GRIP2: variants seen among roughly 807,000 people sequenced by gnomAD.
The protein encoded by GRIP2 is glutamate receptor-interacting protein 2.
Under a neutral mutation model 108.3 loss-of-function variants are expected in GRIP2, and 58 were observed. That is an observed-to-expected ratio of 0.54 (90% CI 0.43 to 0.67). GRIP2 has a LOEUF of 0.67. GRIP2 is among the 30% of genes least tolerant of loss of function. GRIP2 has a pLI of 0.00. For synonymous variants in GRIP2, 586 were observed against 598.2 expected (o/e 0.98, Z 0.30); for missense variants, 1,278 against 1,430.6 (o/e 0.89, Z 1.72).
intron 7 of GRIP2, 158 bp from the exon 8 acceptor site, chr3:14,520,695 T>A (rs1694384663): frequency 2.7e-6 from 2 of 738,866 alleles, no homozygotes; most frequent in East Asian, 2.7e-5. Context: ...TTTTTTTATC[T>A]TCTACCAAAT....
chr3:14,597,701 C>A, the GRIP2 span, among the ~76,000 whole-genome samples: 3 of 151,420 alleles, frequency 2.0e-5, no homozygotes, highest in Non-Finnish European at 2.9e-5. Context: ...TGTCCTTTTA[C>A]CCACAAAGCA....
the GRIP2 span, among the ~76,000 whole-genome samples, chr3:14,577,058 A>G: frequency 6.6e-6 from 1 of 152,226 alleles, no homozygotes; most frequent in Non-Finnish European, 1.5e-5. Flanking sequence ...ACCACTGTGG[A>G]GTTCCTTTTT....
At chr3:14,510,851 C>T (rs901783555) in intron 16 of GRIP2, among the ~76,000 whole-genome samples, 4 of 152,196 alleles carry the variant, frequency 2.6e-5, no homozygotes, top group Non-Finnish European at 4.4e-5. Context: ...CCCTGCCCTA[C>T]CCACTCATCT....
chr3:14,558,570 G>T (rs936018818), upstream of GRIP2, among the ~76,000 whole-genome samples: 2 of 152,166 alleles, frequency 1.3e-5, no homozygotes, highest in African/African-American at 2.4e-5. Flanking sequence ...AGGCTCCCAG[G>T]GTGCGGGAGA....
intron 3 of GRIP2, among the ~76,000 whole-genome samples, chr3:14,525,090 T>C (rs1362393104): frequency 6.6e-6 from 1 of 152,146 alleles, no homozygotes; most frequent in Non-Finnish European, 1.5e-5. Flanking sequence ...CAGTGACCTC[T>C]GTGTTGAGTG....
chr3:14,593,678 T>C, the GRIP2 span, among the ~76,000 whole-genome samples: 1 of 152,154 alleles, frequency 6.6e-6, no homozygotes, highest in African/African-American at 2.4e-5. Flanking sequence ...TCCCTCATAC[T>C]CCGGAGGCTA....
At chr3:14,546,321 G>A (rs1324855852), upstream of GRIP2, among the ~76,000 whole-genome samples, 1 of 152,196 alleles carries the variant, frequency 6.6e-6, no homozygotes, top group Non-Finnish European at 1.5e-5. Context: ...ATTCTGTTGA[G>A]TGTGAGGGGA....
chr3:14,567,239 CCTT>C, the GRIP2 span, among the ~76,000 whole-genome samples: 1 of 152,044 alleles, frequency 6.6e-6, no homozygotes, highest in Non-Finnish European at 1.5e-5. Context: ...TTCCAAACAC[CCTT>C]CCAATCTGTT....
rs1365789998 is a variant in GRIP2, at chr3:14,517,893, T to C, written c.1035A>G (p.Lys345=). 2 of 1,563,292 alleles carry C rather than the reference T, an allele frequency of 1.3e-6. No individual in the cohort carries two copies. The highest frequency in any genetic ancestry group is 2.7e-5 in the African/African-American group (2 of 73,108). The change falls in exon 10 of 24, where the codon AAA becomes AAG. Residue 345 remains lysine (K), a synonymous_variant. Transcript: ENST00000621039. Reference sequence around the variant, plus strand: ...GGTGCAGCTGCTCACTCCTCTGCACTTTCACTGTAGCCAGCGGAGAAAGAG... The same window carrying C: ...GGTGCAGCTGCTCACTCCTCTGCACCTTCACTGTAGCCAGCGGAGAAAGAG... ...QRPLRPSEAV[K]VQRSEQLHRW...
chr3:14,523,017 G>C lies in GRIP2; in HGVS notation c.549C>G (p.Pro183=), dbSNP rs770772184. 3 of 1,613,706 alleles carry C rather than the reference G, an allele frequency of 1.9e-6. No homozygotes were observed. Among genetic ancestry groups the C allele is most frequent in the East Asian group, 2.2e-5 (1 of 44,872 alleles). ...CGGCTCACCTGTCGGCAGGGCCACC[G>C]GGCCGCACGTAGGTCAGGACAAGCG... The part of the protein sequence containing the change: ...SRPLVLTYVR[P]GGPADREGSL... Residue 183 remains proline (P), a synonymous_variant, in exon 6 of 24, where the codon CCC becomes CCG. Coordinates refer to ENST00000621039, the MANE Select transcript of GRIP2 (RefSeq NM_001080423.4).
At chr3:14,579,665 G>A in the GRIP2 span, among the ~76,000 whole-genome samples, 2 of 98,020 alleles carry the variant, frequency 2.0e-5, no homozygotes, top group Admixed American at 9.9e-5. Flanking sequence ...CCAGGCTGGC[G>A]TTCAGTCTCC....
intron 13 of GRIP2, 56 bp downstream of exon 13, chr3:14,513,609 A>G: frequency 1.3e-6 from 2 of 1,552,996 alleles, no homozygotes; most frequent in South Asian, 2.4e-5. Context: ...CAGGATAAAG[A>G]GAGGAGGGGT....
chr3:14,507,843 A>C lies in GRIP2; in HGVS notation c.2079-143T>G. ...AACCCAGCTGCCAAAAACAAAACAA[A>C]AGCACGCAAGTATGATCTTGGATCA... On this transcript the variant is annotated intron_variant, in intron 17 of 23. Coordinates refer to ENST00000621039, the MANE Select transcript of GRIP2 (RefSeq NM_001080423.4). This position sits in a 1 kb window ranked among gnomAD's most constrained non-coding sequence, Gnocchi z 4.6. 1.2e-6 allele frequency: 1 copy of C among 819,180 alleles called. No individual in the cohort carries two copies. Among genetic ancestry groups the C allele is most frequent in the Non-Finnish European group, 1.9e-6 (1 of 520,680 alleles). 50.7% of individuals were successfully genotyped at this position (819,180 alleles called of 1,614,324 possible). A position where few individuals can be genotyped will look rare whatever the true frequency, so the allele number is the denominator to read the frequency against.
At chr3:14,495,792 C>T (rs1693584705) in intron 22 of GRIP2, among the ~76,000 whole-genome samples, 1 of 152,062 alleles carries the variant, frequency 6.6e-6, no homozygotes, top group Non-Finnish European at 1.5e-5. Context: ...GATACATAGA[C>T]GTCACACACA....
At chr3:14,596,837 C>T in the GRIP2 span, among the ~76,000 whole-genome samples, 2 of 152,030 alleles carry the variant, frequency 1.3e-5, no homozygotes, top group African/African-American at 4.8e-5. Flanking sequence ...ACCTCCCAGG[C>T]CCAAGTAATC....
At chr3:14,502,126 T>C (rs1192397371) in intron 21 of GRIP2, among the ~76,000 whole-genome samples, 1 of 152,176 alleles carries the variant, frequency 6.6e-6, no homozygotes, top group Non-Finnish European at 1.5e-5. Flanking sequence ...AATTCATCTT[T>C]AATAAAAAGA....
At chr3:14,514,231 G>T in intron 12 of GRIP2, 61 bp downstream of exon 12, 1 of 1,411,604 alleles carries the variant, frequency 7.1e-7, no homozygotes, top group Non-Finnish European at 9.6e-7. Context: ...AGGGCTTGGT[G>T]CTGTGACTCA....
At chr3:14,550,085 C>T (rs1327553092) in intron 1 of GRIP2, among the ~76,000 whole-genome samples, 2 of 152,168 alleles carry the variant, frequency 1.3e-5, no homozygotes, top group African/African-American at 2.4e-5. Flanking sequence ...GCCCTGGCAA[C>T]GACCACATGT....
At chr3:14,496,363 C>T (rs1574986411) in intron 22 of GRIP2, 54 bp downstream of exon 22, 3 of 1,500,250 alleles carry the variant, frequency 2.0e-6, no homozygotes, top group South Asian at 1.2e-5. Flanking sequence ...CACGACAGTG[C>T]TCATGGCACC....
Sources: allele counts gnomAD v4.1 joint callset (sites outside exome capture counted in the v4.1 genomes callset), GRCh38; gene constraint gnomAD v4.1.1; non-coding constraint Gnocchi (gnomAD v3.1); transcripts MANE v1.5; gene names NCBI Gene and HGNC (gene_info 2026-07-23, HGNC 2026-07-21).